Variants in MARCHF11 observed in about 807,000 individuals in gnomAD.
MARCHF11 encodes the protein membrane associated ring-CH-type finger 11, also known as E3 ubiquitin-protein ligase MARCHF11.
A neutral mutation model predicts 37.3 loss-of-function variants in MARCHF11; 29 were observed. That is an observed-to-expected ratio of 0.78 (90% confidence interval 0.58 to 1.06). The LOEUF is 1.06. Ranked by LOEUF, MARCHF11 falls within the 50% of genes least tolerant of loss-of-function variation. MARCHF11 has a pLI of 0.00. For missense variants in MARCHF11, 482 were observed against 533.4 expected (o/e 0.90, Z 0.95); for synonymous variants, 233 against 228.0 (o/e 1.02, Z -0.20).
intron 2 of MARCHF11, among the ~76,000 whole-genome samples, chr5:16,092,203 ACTCT>A (rs780636975): frequency 4.9e-4 from 75 of 151,566 alleles, no homozygotes; most frequent in African/African-American, 1.8e-3. Context: ...TCTCTCTGTC[ACTCT>A]CTCTCTCTCA....
At chr5:16,071,385 A>G (rs1240188295) in intron 3 of MARCHF11, among the ~76,000 whole-genome samples, 1 of 152,222 alleles carries the variant, frequency 6.6e-6, no homozygotes, top group South Asian at 2.1e-4. Flanking sequence ...TTTTCTTACT[A>G]GTAATGTTTA....
intron 2 of MARCHF11, among the ~76,000 whole-genome samples, chr5:16,167,300 C>T (rs1031114609): frequency 6.6e-6 from 1 of 152,010 alleles, no homozygotes; most frequent in Non-Finnish European, 1.5e-5. Context: ...AGTTCAAGTC[C>T]AAAGGCATGA....
At chr5:16,135,992 G>A (rs1737607743) in intron 2 of MARCHF11, among the ~76,000 whole-genome samples, 1 of 151,972 alleles carries the variant, frequency 6.6e-6, no homozygotes, top group Admixed American at 6.6e-5. Flanking sequence ...ATCTTCAACA[G>A]GAATAAAGGC....
At chr5:16,167,600 T>C (rs1171383585) in intron 2 of MARCHF11, among the ~76,000 whole-genome samples, 1 of 152,094 alleles carries the variant, frequency 6.6e-6, no homozygotes, top group African/African-American at 2.4e-5. Flanking sequence ...AGAAACACTT[T>C]CACAGACATA....
At chr5:16,162,850 C>T (rs1372058240) in intron 2 of MARCHF11, among the ~76,000 whole-genome samples, 1 of 151,914 alleles carries the variant, frequency 6.6e-6, no homozygotes, top group African/African-American at 2.4e-5. Flanking sequence ...GACTAGGAGT[C>T]AAGAATCAAT....
At chr5:16,088,942 A>G (rs1202076117) in intron 3 of MARCHF11, among the ~76,000 whole-genome samples, 1 of 152,212 alleles carries the variant, frequency 6.6e-6, no homozygotes. Flanking sequence ...TCAAATTTCA[A>G]AAGAGAAGCT....
At chr5:16,091,964 CCCGCATAATTTACTCAT>C (rs1211958438) in intron 2 of MARCHF11, among the ~76,000 whole-genome samples, 1 of 152,198 alleles carries the variant, frequency 6.6e-6, no homozygotes, top group African/African-American at 2.4e-5. Flanking sequence ...CTCAAAACAA[CCCGCATAATTTACTCAT>C]CCTGTGTGGA....
intron 2 of MARCHF11, among the ~76,000 whole-genome samples, chr5:16,133,086 G>C (rs764255909): frequency 1.3e-5 from 2 of 151,306 alleles, no homozygotes; most frequent in South Asian, 4.2e-4. Context: ...TTTTTTTTAA[G>C]TTGCCTACTG....
intron 2 of MARCHF11, among the ~76,000 whole-genome samples, chr5:16,140,447 T>G (rs1737684340): frequency 6.6e-6 from 1 of 152,072 alleles, no homozygotes; most frequent in Non-Finnish European, 1.5e-5. Flanking sequence ...TTGCCACAAA[T>G]GAAACTGCAA....
At position 16,078,514 on chromosome 5, in the gene MARCHF11, T is replaced by C. The variant is rs534649040; in HGVS notation, c.887-10721A>G. On this transcript the variant is annotated intron_variant, in intron 3 of 3. Coordinates refer to ENST00000332432, the MANE Select transcript of MARCHF11 (RefSeq NM_001102562.3). The stretch of plus-strand genomic sequence containing the variant: ...GGCCCAGAGTTTGTCTCCCCTGCCC[T>C]GCTGGTGCCCACGGTTCCACATCCT... Among the ~76,000 whole-genome samples the C allele has an allele frequency of 3.3e-5, 5 of 152,306 alleles. No individual in the cohort carries two copies. In the East Asian group the frequency reaches 9.6e-4, roughly 29 times the overall value.
At position 16,115,043 on chromosome 5, in the gene MARCHF11, TA is replaced by T. The variant is rs774238863; in HGVS notation, c.694-23963del. Among the ~76,000 whole-genome samples the T allele has an allele frequency of 4.2e-3, 631 of 149,018 alleles. 9 individuals are homozygous for T. The highest frequency in any genetic ancestry group is 0.014 in the African/African-American group (553 of 40,762). On this transcript the variant is annotated intron_variant, in intron 2 of 3. Coordinates refer to ENST00000332432, the MANE Select transcript of MARCHF11 (RefSeq NM_001102562.3). Reference sequence around the variant, plus strand: ...CTACGATTATTTCATCTTTTTGCGGTAAAAAAAAAATGTCTTGCCTTCAGTG... The same window carrying T: ...CTACGATTATTTCATCTTTTTGCGGTAAAAAAAAATGTCTTGCCTTCAGTG...
intron 2 of MARCHF11, among the ~76,000 whole-genome samples, chr5:16,138,712 G>A (rs1336039791): frequency 1.3e-5 from 2 of 152,242 alleles, no homozygotes; most frequent in Non-Finnish European, 1.5e-5. Context: ...AGCCACAGGG[G>A]TGGAGCTGCC....
intron 2 of MARCHF11, among the ~76,000 whole-genome samples, chr5:16,110,085 A>C (rs944851067): frequency 6.6e-6 from 1 of 152,338 alleles, no homozygotes. Flanking sequence ...TGTTTTATCA[A>C]GTGGGCAACT....
intron 2 of MARCHF11, chr5:16,129,350 C>T (rs1737474662): frequency 6.6e-6 from 1 of 152,078 alleles, no homozygotes; most frequent in South Asian, 2.1e-4. Context: ...TCATGATTAG[C>T]AGTGTTTGTT....
intron 2 of MARCHF11, among the ~76,000 whole-genome samples, chr5:16,135,881 A>T (rs1225690480): frequency 1.3e-4 from 8 of 59,782 alleles, no homozygotes; most frequent in East Asian, 4.1e-4. Flanking sequence ...AAAGAGATTT[A>T]AAAAAAAAAA....
intron 2 of MARCHF11, among the ~76,000 whole-genome samples, chr5:16,144,734 A>G (rs1737773181): frequency 6.6e-6 from 1 of 152,228 alleles, no homozygotes; most frequent in Non-Finnish European, 1.5e-5. Context: ...CAAAGTAAGT[A>G]TATCACTTCA....
At chr5:16,134,535 T>C (rs192102009) in intron 2 of MARCHF11, among the ~76,000 whole-genome samples, 225 of 152,286 alleles carry the variant, frequency 1.5e-3, no homozygotes, top group Admixed American at 2.6e-3. Context: ...AGTATTCTGT[T>C]ATACAGGCAC....
At chr5:16,085,992 C>T (rs1379347552) in intron 3 of MARCHF11, among the ~76,000 whole-genome samples, 1 of 145,940 alleles carries the variant, frequency 6.9e-6, no homozygotes, top group African/African-American at 2.5e-5. Context: ...ATTACTCAAC[C>T]CAGACTTTCC....
At chr5:16,132,827 C>T (rs1737539302) in intron 2 of MARCHF11, among the ~76,000 whole-genome samples, 1 of 152,050 alleles carries the variant, frequency 6.6e-6, no homozygotes, top group Admixed American at 6.6e-5. Flanking sequence ...CAGAGGAAAA[C>T]ACAATTGGCT....
Sources: allele counts gnomAD v4.1 joint callset (sites outside exome capture counted in the v4.1 genomes callset), GRCh38; gene constraint gnomAD v4.1.1; transcripts MANE v1.5; gene names NCBI Gene and HGNC (gene_info 2026-07-23, HGNC 2026-07-21).